XIRP2: variants seen among roughly 807,000 people sequenced by gnomAD.
XIRP2 encodes the protein xin actin-binding repeat-containing protein 2.
A neutral mutation model predicts 277.0 loss-of-function variants in XIRP2; 236 were observed. The ratio of observed to expected loss-of-function variants is 0.85; its 90% confidence interval spans 0.77 to 0.95. XIRP2 has a LOEUF of 0.95. XIRP2 is among the 40% of genes least tolerant of loss of function. The pLI, the probability that XIRP2 is intolerant of heterozygous loss-of-function variation, is 0.00. For synonymous variants in XIRP2, 1,490 were observed against 1,416.5 expected, an observed-to-expected ratio of 1.05 and a Z score of -1.17; for missense variants, 4,640 against 4,157.5, an observed-to-expected ratio of 1.12 and a Z score of -3.19.
At position 166,967,575 on chromosome 2, in the gene XIRP2, T is replaced by C. The variant is rs192422165; in HGVS notation, c.408+63685T>C. Among the ~76,000 whole-genome samples the C allele has an allele frequency of 8.6e-4, 131 of 152,002 alleles. 3 individuals carry two copies. In the East Asian group the frequency reaches 0.022, roughly 25 times the overall value. ...CAGAAAGCTGATGTAAAGAAATGTA[T>C]GGCAAAGCGAGACCTACCTAATCTA... is the stretch of plus-strand genomic sequence containing the variant. On this transcript the variant is annotated intron_variant, in intron 2 of 10. Transcript: ENST00000409195.
At chr2:166,925,511 T>A (rs1011614370) in intron 2 of XIRP2, among the ~76,000 whole-genome samples, 2 of 150,606 alleles carry the variant, frequency 1.3e-5, no homozygotes, top group African/African-American at 4.9e-5. Context: ...TGCAAATGGC[T>A]ATCTTTAAAT....
intron 1 of XIRP2, among the ~76,000 whole-genome samples, chr2:166,901,108 T>C (rs1052987365): frequency 5.9e-5 from 9 of 152,124 alleles, no homozygotes; most frequent in Non-Finnish European, 1.3e-4. Context: ...ATGGTACTTA[T>C]GGCCTAGAAG....
At chr2:167,141,568 G>A (rs1416976346) in intron 3 of XIRP2, among the ~76,000 whole-genome samples, 70 of 152,250 alleles carry the variant, frequency 4.6e-4, no homozygotes, top group East Asian at 5.8e-4. Flanking sequence ...TCAGCCACAC[G>A]GGAAGGTGAC....
At chr2:167,090,559 A>C (rs997238949) in intron 2 of XIRP2, among the ~76,000 whole-genome samples, 1 of 152,078 alleles carries the variant, frequency 6.6e-6, no homozygotes, top group South Asian at 2.1e-4. Flanking sequence ...TTGTGTTTCT[A>C]TGAAAGAATA....
chr2:167,134,390 A>G (rs1691478578), intron 2 of XIRP2, among the ~76,000 whole-genome samples: 1 of 151,922 alleles, frequency 6.6e-6, no homozygotes, highest in East Asian at 1.9e-4. Flanking sequence ...TATATTATAT[A>G]TAAATTGAAA....
chr2:167,220,173 CT>C (rs1236096059), intron 5 of XIRP2, among the ~76,000 whole-genome samples: 3 of 151,566 alleles, frequency 2.0e-5, no homozygotes, highest in East Asian at 1.9e-4. Flanking sequence ...TCCTTCCTTT[CT>C]TTTTTTTTCC....
intron 2 of XIRP2, among the ~76,000 whole-genome samples, chr2:167,134,343 C>T (rs1285715464): frequency 6.6e-6 from 1 of 150,934 alleles, no homozygotes; most frequent in Non-Finnish European, 1.5e-5. Flanking sequence ...TTGTTATGTA[C>T]ATGTGATGTA....
intron 2 of XIRP2, among the ~76,000 whole-genome samples, chr2:166,947,794 C>A (rs1341591881): frequency 6.6e-6 from 1 of 152,118 alleles, no homozygotes; most frequent in South Asian, 2.1e-4. Context: ...GTCCACACAG[C>A]AATCTGGACA....
chr2:166,945,663 CTTTTTTTTTT>C (rs71395267), intron 2 of XIRP2, among the ~76,000 whole-genome samples: 2 of 69,264 alleles, frequency 2.9e-5, no homozygotes, highest in Admixed American at 2.2e-4. Flanking sequence ...TAAGATAAAT[CTTTTTTTTTT>C]TTTTTTTTTT....
chr2:166,969,960 A>C (rs1686535006), intron 2 of XIRP2, among the ~76,000 whole-genome samples: 1 of 152,000 alleles, frequency 6.6e-6, no homozygotes. Flanking sequence ...TCTGTAGCTC[A>C]GTTTCATGAA....
At chr2:166,943,794 C>A (rs944693243) in intron 2 of XIRP2, among the ~76,000 whole-genome samples, 1 of 152,162 alleles carries the variant, frequency 6.6e-6, no homozygotes, top group African/African-American at 2.4e-5. Context: ...ACCAGTTGTT[C>A]CCCCAAGAGA....
intron 2 of XIRP2, among the ~76,000 whole-genome samples, chr2:167,034,985 T>C (rs1688471858): frequency 6.6e-6 from 1 of 152,164 alleles, no homozygotes; most frequent in African/African-American, 2.4e-5. Context: ...CCGATGGGTT[T>C]ATCAGGGGTT....
At chr2:167,182,675 C>T (rs1232416877) in intron 3 of XIRP2, among the ~76,000 whole-genome samples, 1 of 152,108 alleles carries the variant, frequency 6.6e-6, no homozygotes, top group Non-Finnish European at 1.5e-5. Flanking sequence ...TTCACTCATC[C>T]TCAGTTTCTT....
At chr2:167,123,151 G>A (rs1294181314) in intron 2 of XIRP2, among the ~76,000 whole-genome samples, 1 of 152,096 alleles carries the variant, frequency 6.6e-6, no homozygotes, top group Non-Finnish European at 1.5e-5. Context: ...CAGGATCTAA[G>A]GTCTGCACAC....
chr2:167,119,469 C>T (rs942582702), intron 2 of XIRP2, among the ~76,000 whole-genome samples: 1 of 152,268 alleles, frequency 6.6e-6, no homozygotes, highest in East Asian at 1.9e-4. Flanking sequence ...GACTTATTTG[C>T]AAGTTCAACA....
At position 167,136,012 on chromosome 2, in the gene XIRP2, C is replaced by G. The variant is rs1412424043; in HGVS notation, c.512C>G (p.Thr171Arg). 3.1e-6 allele frequency: 5 copies of G among 1,611,258 alleles called. No homozygotes were observed. The highest frequency in any genetic ancestry group is 4.2e-6 in the Non-Finnish European group (5 of 1,178,864). ...VKDSDKKGKE[T>R]SFDKMSPESG... ...GATTCAGACAAGAAAGGCAAGGAAA[C>G]ATCTTTTGACAAGATGTCACCTGAA... is the stretch of plus-strand genomic sequence containing the variant. Residue 171 changes from threonine to arginine, a missense_variant, in exon 3 of 11, where the codon ACA (threonine) becomes AGA (arginine). By Grantham distance (71) the Thr-to-Arg change is moderately conservative. Transcript: ENST00000409195.
intron 3 of XIRP2, among the ~76,000 whole-genome samples, chr2:167,139,557 C>T (rs1691652048): frequency 6.6e-6 from 1 of 152,172 alleles, no homozygotes; most frequent in African/African-American, 2.4e-5. Context: ...TTCATCTCCT[C>T]TGACGGGTTT....
chr2:167,180,962 A>T (rs1692991307), intron 3 of XIRP2, among the ~76,000 whole-genome samples: 1 of 152,238 alleles, frequency 6.6e-6, no homozygotes, highest in Non-Finnish European at 1.5e-5. Flanking sequence ...TAGAATTATG[A>T]CTTCTATCCT....
chr2:166,930,712 AT>A (rs1685312673), intron 2 of XIRP2, among the ~76,000 whole-genome samples: 1 of 152,192 alleles, frequency 6.6e-6, no homozygotes, highest in South Asian at 2.1e-4. Context: ...CAGTTTCTGT[AT>A]CTCTAAAATG....
Sources: gnomAD v4.1 joint callset for allele counts (sites outside exome capture counted in the v4.1 genomes callset) on GRCh38, gnomAD v4.1.1 for gene constraint, MANE v1.5 for transcripts, NCBI Gene and HGNC (gene_info 2026-07-23, HGNC 2026-07-21) for gene names.